BPTF: variants seen among roughly 807,000 people sequenced by gnomAD.
The protein encoded by BPTF is nucleosome-remodeling factor subunit BPTF.
In BPTF, 18 loss-of-function variants were observed where a neutral mutation model predicts 292.5. The observed-to-expected ratio is 0.06, with a 90% CI of 0.04 to 0.09. The LOEUF (loss-of-function observed/expected upper bound fraction) is 0.09, where lower values mean the gene tolerates loss of function less well. Among genes scored for constraint, BPTF ranks in the 10% least tolerant of loss-of-function variants. The pLI is 1.00. For synonymous variants in BPTF, 1,225 were observed against 1,251.9 expected (o/e 0.98, Z 0.45); for missense variants, 2,726 against 3,498.7 (o/e 0.78, Z 5.57).
At chr17:67,855,079 T>G (rs2058612113) in intron 2 of BPTF, among the ~76,000 whole-genome samples, 1 of 152,122 alleles carries the variant, frequency 6.6e-6, no homozygotes, top group Non-Finnish European at 1.5e-5. Flanking sequence ...GGTGGGTGGA[T>G]CACCTGAGGT....
intron 4 of BPTF, among the ~76,000 whole-genome samples, chr17:67,883,316 AAATAAT>A (rs147586034): frequency 2.2e-4 from 34 of 151,938 alleles, no homozygotes; most frequent in Admixed American, 2.0e-4. Flanking sequence ...ACTCCATCTA[AAATAAT>A]AATAATAATA....
chr17:67,967,725 A>AAGATAAGCCC (rs2068283773), intron 26 of BPTF, among the ~76,000 whole-genome samples: 6 of 146,758 alleles, frequency 4.1e-5, no homozygotes, highest in African/African-American at 1.6e-4. Context: ...AGGCTGAGGC[A>AAGATAAGCCC]CAAGAATCAC....
At chr17:67,935,637 C>T (rs1210593734) in intron 18 of BPTF, among the ~76,000 whole-genome samples, 2 of 152,076 alleles carry the variant, frequency 1.3e-5, no homozygotes, top group Non-Finnish European at 2.9e-5. Context: ...CTGTAGATCA[C>T]CTGAGGTCAG....
At position 67,911,924 on chromosome 17, in the gene BPTF, A is replaced by G. The variant is rs770595988; in HGVS notation, c.4040A>G (p.Asp1347Gly). 9 of 1,614,136 alleles carry G rather than the reference A, an allele frequency of 5.6e-6. No individual in the cohort carries two copies. The highest frequency in any genetic ancestry group is 5.9e-6 in the Non-Finnish European group (7 of 1,180,036). Reference sequence around the variant, plus strand: ...GGTGAGTCCACTGGAAACTGTGAGGACAGGCTGCCGGTCAAGGGGACTGAA... The same window carrying G: ...GGTGAGTCCACTGGAAACTGTGAGGGCAGGCTGCCGGTCAAGGGGACTGAA... Reference protein sequence around the residue: ...VSGESTGNCEDRLPVKGTEAN... With the variant: ...VSGESTGNCEGRLPVKGTEAN... Residue 1347 changes from aspartate to glycine, a missense_variant, in exon 11 of 28, where the codon GAC becomes GGC. Coordinates refer to ENST00000306378, the MANE Select transcript of BPTF (RefSeq NM_182641.4).
chr17:67,950,566 G>A (rs1037635672), intron 23 of BPTF, among the ~76,000 whole-genome samples: 2 of 151,818 alleles, frequency 1.3e-5, no homozygotes, highest in South Asian at 2.1e-4. Flanking sequence ...GGCTGGGCAC[G>A]GTGGCCCACA....
intron 2 of BPTF, among the ~76,000 whole-genome samples, chr17:67,862,176 A>G (rs562421578): frequency 2.0e-5 from 3 of 152,144 alleles, no homozygotes; most frequent in Admixed American, 6.5e-5. Flanking sequence ...GGGTTTCACC[A>G]TGTTGGCCAG....
chr17:67,946,430 A>G (rs1555675521), intron 21 of BPTF, 105 bp downstream of exon 21: 4 of 1,468,258 alleles, frequency 2.7e-6, no homozygotes, highest in Non-Finnish European at 2.7e-6. Context: ...AGACAAAGTC[A>G]TTAATGTTTA....
At chr17:67,862,893 C>T (rs931122987) in intron 2 of BPTF, among the ~76,000 whole-genome samples, 1 of 151,650 alleles carries the variant, frequency 6.6e-6, no homozygotes, top group African/African-American at 2.4e-5. Context: ...TTCCAATCTC[C>T]CTGTCACTAT....
intron 19 of BPTF, among the ~76,000 whole-genome samples, chr17:67,943,783 A>G (rs1485931268): frequency 6.6e-6 from 1 of 152,242 alleles, no homozygotes; most frequent in Non-Finnish European, 1.5e-5. Flanking sequence ...ATCTATGAAG[A>G]TGCTTTTGAA....
At chr17:67,827,979 T>C (rs1266173718) in intron 1 of BPTF, among the ~76,000 whole-genome samples, 1 of 150,478 alleles carries the variant, frequency 6.6e-6, no homozygotes, top group Non-Finnish European at 1.5e-5. Context: ...TCGTCTGGGC[T>C]GGAGTGCAGT....
At position 67,903,784 on chromosome 17, in the gene BPTF, CT is replaced by C; in HGVS notation, c.2544-3del. 1 of 1,525,638 alleles carries C rather than the reference CT, an allele frequency of 6.6e-7. No individual in the cohort carries two copies. The highest frequency in any genetic ancestry group is 8.7e-7 in the Non-Finnish European group (1 of 1,143,368). 94.5% of individuals were successfully genotyped at this position (1,525,638 alleles called of 1,614,324 possible). A position where few individuals can be genotyped will look rare whatever the true frequency, so the allele number is the denominator to read the frequency against. ...AACATTGTCTTTCTATGCATGAATT[CT>C]TAGGTTACACCGGATGACATCAATT... On this transcript the variant is annotated splice_region_variant and splice_polypyrimidine_tract_variant and intron_variant, in intron 7 of 27. Transcript: ENST00000306378.
intron 3 of BPTF, among the ~76,000 whole-genome samples, chr17:67,868,988 T>C (rs902110618): frequency 1.3e-5 from 2 of 152,218 alleles, no homozygotes; most frequent in African/African-American, 2.4e-5. Flanking sequence ...ATTTTTTTAT[T>C]AGAAAAGTTT....
Position 67,945,929 on chromosome 17 carries a change from A to G in BPTF, c.7221A>G (p.Gly2407=). The change falls in exon 21 of 28, where the codon GGA becomes GGG. Residue 2407 remains glycine, a synonymous_variant. Transcript: ENST00000306378. ...CTTCAACTCAAACTCTTTCATCAGG[A>G]CAAACTTTAAATCAAGTTACTGTTT... ...VQSSTQTLSS[G]QTLNQVTVSS... 6.2e-7 allele frequency: 1 copy of G among 1,614,150 alleles called. No homozygotes were observed. The highest frequency in any genetic ancestry group is 1.1e-5 in the South Asian group (1 of 91,076).
At chr17:67,973,201 C>T (rs797028403) in intron 26 of BPTF, among the ~76,000 whole-genome samples, 1 of 149,792 alleles carries the variant, frequency 6.7e-6, no homozygotes, top group East Asian at 2.0e-4. Flanking sequence ...GGTGAAACCC[C>T]GTCTCTACTA....
At chr17:67,882,723 T>C (rs1488750444) in intron 4 of BPTF, among the ~76,000 whole-genome samples, 1 of 152,210 alleles carries the variant, frequency 6.6e-6, no homozygotes, top group Non-Finnish European at 1.5e-5. Context: ...AATAATCCCC[T>C]GGGCTGGGCG....
chr17:67,940,057 A>T (rs1441947210), intron 18 of BPTF, among the ~76,000 whole-genome samples: 3 of 142,714 alleles, frequency 2.1e-5, no homozygotes, highest in Non-Finnish European at 4.6e-5. Flanking sequence ...ATATGAATTA[A>T]TTTTTTATTA....
At chr17:67,938,067 C>A (rs941895387) in intron 18 of BPTF, among the ~76,000 whole-genome samples, 7 of 152,212 alleles carry the variant, frequency 4.6e-5, no homozygotes, top group African/African-American at 1.7e-4. Flanking sequence ...GAGCTGAGAC[C>A]GCCCCTCAGC....
intron 17 of BPTF, 68 bp downstream of exon 17, chr17:67,929,555 C>T (rs569679106): frequency 3.4e-5 from 52 of 1,516,100 alleles, no homozygotes; most frequent in Non-Finnish European, 4.5e-5. Context: ...AGAATGACTT[C>T]TTCCAAGATT....
intron 1 of BPTF, 101 bp from the exon 2 acceptor site, chr17:67,853,839 A>C: frequency 1.2e-6 from 1 of 831,292 alleles, no homozygotes; most frequent in Non-Finnish European, 1.9e-6. Flanking sequence ...ATTATTAAAG[A>C]AATGTACTTA....
Sources: allele counts gnomAD v4.1 joint callset (sites outside exome capture counted in the v4.1 genomes callset), GRCh38; gene constraint gnomAD v4.1.1; transcripts MANE v1.5; gene names NCBI Gene and HGNC (gene_info 2026-07-23, HGNC 2026-07-21).